Variants in KLHDC1 observed in about 807,000 individuals in gnomAD.
KLHDC1 encodes kelch domain-containing protein 1.
KLHDC1 carries 53 observed loss-of-function variants against 68.3 expected under a neutral mutation model. The ratio of observed to expected loss-of-function variants is 0.78; its 90% confidence interval spans 0.62 to 0.98. KLHDC1 has a LOEUF of 0.98. KLHDC1 is among the 50% of genes least tolerant of loss of function. The probability of loss-of-function intolerance (pLI) is 0.00; values close to 1 mark genes in which losing one functional copy is unlikely to be tolerated. For synonymous variants in KLHDC1, 148 were observed against 159.0 expected, an observed-to-expected ratio of 0.93 and a Z score of 0.52; for missense variants, 470 against 492.3, an observed-to-expected ratio of 0.95 and a Z score of 0.43.
intron 10 of KLHDC1, among the ~76,000 whole-genome samples, chr14:49,739,328 T>A (rs1029911246): frequency 6.6e-6 from 1 of 152,174 alleles, no homozygotes; most frequent in Non-Finnish European, 1.5e-5. Flanking sequence ...AAAAAGAAAC[T>A]GGTTGATCAC....
Position 49,723,854 on chromosome 14 carries a change from A to T in KLHDC1, c.405-20A>T. Reference sequence around the variant, plus strand: ...GGAAACAGAATTCCTAAAGTGTGTCATTTCGTATTTGTTTTTCAGACTAAT... The same window carrying T: ...GGAAACAGAATTCCTAAAGTGTGTCTTTTCGTATTTGTTTTTCAGACTAAT... On this transcript the variant is annotated intron_variant, in intron 4 of 12. Transcript: ENST00000359332. 1.4e-6 allele frequency: 2 copies of T among 1,430,948 alleles called. No individual in the cohort carries two copies. Among genetic ancestry groups the T allele is most frequent in the Non-Finnish European group, 1.9e-6 (2 of 1,027,900 alleles). 88.6% of individuals were successfully genotyped at this position (1,430,948 alleles called of 1,614,324 possible). A position where few individuals can be genotyped will look rare whatever the true frequency, so the allele number is the denominator to read the frequency against.
intron 10 of KLHDC1, among the ~76,000 whole-genome samples, chr14:49,735,620 T>A (rs1888913582): frequency 6.6e-6 from 1 of 152,130 alleles, no homozygotes; most frequent in Non-Finnish European, 1.5e-5. Context: ...TTTTTTTTTT[T>A]AATGTAAAGA....
At chr14:49,738,556 G>A (rs1888987577) in intron 10 of KLHDC1, among the ~76,000 whole-genome samples, 2 of 151,950 alleles carry the variant, frequency 1.3e-5, no homozygotes, top group Admixed American at 6.6e-5. Flanking sequence ...CACCATGTTG[G>A]CCAAGCTAGT....
intron 4 of KLHDC1, among the ~76,000 whole-genome samples, chr14:49,719,965 G>A (rs1438062551): frequency 6.8e-6 from 1 of 147,906 alleles, no homozygotes; most frequent in East Asian, 2.0e-4. Context: ...AGGACTACAA[G>A]TGCATGCCAC....
chr14:49,729,829 A>T (rs918011262), intron 8 of KLHDC1, among the ~76,000 whole-genome samples: 2 of 152,210 alleles, frequency 1.3e-5, no homozygotes, highest in Non-Finnish European at 2.9e-5. Context: ...AAGTGGTTGA[A>T]TGGGGTCATC....
intron 1 of KLHDC1, among the ~76,000 whole-genome samples, chr14:49,704,114 T>C (rs1352575032): frequency 6.6e-6 from 1 of 152,226 alleles, no homozygotes; most frequent in East Asian, 1.9e-4. Context: ...TTTGGTACCA[T>C]CTGGCCTTAC....
At position 49,751,912 on chromosome 14, in the gene KLHDC1, C is replaced by A. The variant is rs540195601; in HGVS notation, c.*140C>A. 1 of 420,432 alleles carries A rather than the reference C, an allele frequency of 2.4e-6. No individual in the cohort carries two copies. Among genetic ancestry groups the A allele is most frequent in the African/African-American group, 2.1e-5 (1 of 48,746 alleles). The allele number at this position is 420,432 out of a possible 1,614,324, so 26.0% of individuals were successfully genotyped here. On this transcript the variant is annotated 3_prime_UTR_variant, in exon 13 of 13. Transcript: ENST00000359332. ...GTCACTCTGTTAAGTGACTATATGC[C>A]ATGGGATATATGGAAAAAAGATATT... is the stretch of plus-strand genomic sequence containing the variant.
chr14:49,722,272 G>A (rs1246788435), intron 4 of KLHDC1, among the ~76,000 whole-genome samples: 2 of 151,994 alleles, frequency 1.3e-5, no homozygotes, highest in African/African-American at 2.4e-5. Context: ...GGCTATCCCC[G>A]ACCCCATGAC....
At chr14:49,695,149 T>TGTGTGTGTGTGTGTG (rs1555337472) in intron 1 of KLHDC1, among the ~76,000 whole-genome samples, 1 of 151,126 alleles carries the variant, frequency 6.6e-6, no homozygotes, top group African/African-American at 2.4e-5. Flanking sequence ...TGTGTGTGTG[T>TGTGTGTGTGTGTGTG]TTTGAGACAA....
intron 8 of KLHDC1, among the ~76,000 whole-genome samples, chr14:49,731,049 G>A (rs1361037485): frequency 6.6e-6 from 1 of 152,154 alleles, no homozygotes; most frequent in East Asian, 1.9e-4. Flanking sequence ...GGAGGCTGAG[G>A]CTGGTGGATC....
In KLHDC1 at chr14:49,745,996, A is replaced by G. The variant is rs1889190975; in HGVS notation, c.1034+2191A>G. Among the ~76,000 whole-genome samples the G allele has an allele frequency of 2.6e-5, 4 of 152,306 alleles. No individual in the cohort carries two copies. In the South Asian group the frequency reaches 6.2e-4, roughly 24 times the overall value. On this transcript the variant is annotated intron_variant, in intron 12 of 12. Coordinates refer to ENST00000359332, the MANE Select transcript of KLHDC1 (RefSeq NM_172193.3). ...GGTAAAGAAAATTGGTAAAGAGACT[A>G]TTACAGTGGTCAGGTACAGAGTGAA...
At chr14:49,719,275 C>T (rs939902343) in intron 4 of KLHDC1, among the ~76,000 whole-genome samples, 3 of 151,910 alleles carry the variant, frequency 2.0e-5, no homozygotes, top group African/African-American at 4.8e-5. Flanking sequence ...GCCCTGCCTT[C>T]GCTGCATCTC....
intron 12 of KLHDC1, among the ~76,000 whole-genome samples, chr14:49,748,727 A>G (rs994981379): frequency 2.0e-5 from 3 of 151,964 alleles, no homozygotes; most frequent in African/African-American, 7.3e-5. Flanking sequence ...GGGGGTATAT[A>G]TATACATGTA....
In KLHDC1 at chr14:49,693,748, C is replaced by CTTTTTTTTTTTTTTTTT. The variant is rs1231129663; in HGVS notation, c.96+474_96+475insTTTTTTTTTTTTTTTTT. On this transcript the variant is annotated intron_variant, in intron 1 of 12. Transcript: ENST00000359332. ...TAAATATTTATTTTCTTTTCTTTTT[C>CTTTTTTTTTTTTTTTTT]TTTTTTTTTTTTTTTTGAGATGGAG... Among the ~76,000 whole-genome samples the CTTTTTTTTTTTTTTTTT allele has an allele frequency of 2.3e-3, 141 of 61,534 alleles. 31 individuals are homozygous for CTTTTTTTTTTTTTTTTT. Among genetic ancestry groups the CTTTTTTTTTTTTTTTTT allele is most frequent in the Non-Finnish European group, 3.0e-3 (90 of 29,604 alleles). 40.4% of individuals were successfully genotyped at this position (61,534 alleles called of 152,430 possible).
At chr14:49,706,435 C>A (rs1888052199) in intron 1 of KLHDC1, among the ~76,000 whole-genome samples, 1 of 152,176 alleles carries the variant, frequency 6.6e-6, no homozygotes, top group African/African-American at 2.4e-5. Context: ...AGTGCTGCAA[C>A]AAACATGGGA....
chr14:49,744,764 T>C (rs1331078439), intron 12 of KLHDC1, among the ~76,000 whole-genome samples: 1 of 152,186 alleles, frequency 6.6e-6, no homozygotes, highest in Non-Finnish European at 1.5e-5. Context: ...GCAACTGTCA[T>C]AAGCCTAACT....
intron 4 of KLHDC1, 38 bp from the exon 5 acceptor site, chr14:49,723,834 CAG>C (rs1432210405): frequency 3.4e-6 from 4 of 1,192,234 alleles, no homozygotes; most frequent in Non-Finnish European, 4.8e-6. Flanking sequence ...AAACTGGAAA[CAG>C]AATTCCTAAA....
At chr14:49,734,143 A>G (rs912139841) in intron 9 of KLHDC1, among the ~76,000 whole-genome samples, 8 of 152,212 alleles carry the variant, frequency 5.3e-5, no homozygotes, top group African/African-American at 1.4e-4. Flanking sequence ...AAGCTAGTCA[A>G]TTTCCTCCCT....
intron 10 of KLHDC1, among the ~76,000 whole-genome samples, chr14:49,738,755 G>C (rs951518116): frequency 3.3e-5 from 5 of 152,314 alleles, no homozygotes; most frequent in African/African-American, 4.8e-5. Flanking sequence ...GGTTCCCATG[G>C]TGTGCTGTTA....
Sources: gnomAD v4.1 joint callset for allele counts (sites outside exome capture counted in the v4.1 genomes callset) on GRCh38, gnomAD v4.1.1 for gene constraint, MANE v1.5 for transcripts, NCBI Gene and HGNC (gene_info 2026-07-23, HGNC 2026-07-21) for gene names.